The following LBP variants were observed in gnomAD, a reference collection of about 807,000 sequenced individuals.
LBP encodes lipopolysaccharide binding protein, also known as lipopolysaccharide-binding protein.
A neutral mutation model predicts 56.6 loss-of-function variants in LBP; 53 were observed. The ratio of observed to expected loss-of-function variants is 0.94; its 90% confidence interval spans 0.75 to 1.18. The LOEUF is 1.18. Ranked by LOEUF, LBP falls within the 50% of genes most tolerant of loss-of-function variation. The pLI, the probability that LBP is intolerant of heterozygous loss-of-function variation, is 0.00. For missense variants in LBP, 601 were observed against 598.3 expected (o/e 1.00, Z -0.05); for synonymous variants, 227 against 247.5 (o/e 0.92, Z 0.78).
chr20:38,355,255 T>C, intron 4 of LBP, 91 bp from the exon 5 acceptor site: 1 of 1,164,042 alleles, frequency 8.6e-7, no homozygotes, highest in Admixed American at 1.7e-5. Context: ...GGGCTCCCTT[T>C]GTGGACTGGC....
chr20:38,371,218 C>A (rs1759259910), intron 11 of LBP, 62 bp from the exon 12 acceptor site: 1 of 1,393,782 alleles, frequency 7.2e-7, no homozygotes. Context: ...CTTCTGGGGA[C>A]CCCCGCATTG....
Position 38,350,893 on chromosome 20 carries a change from T to C in LBP, c.322T>C (p.Ser108Pro), listed in dbSNP as rs1215940048. ...GGGCCTGAGTCTCAGCATCTCCGAC[T>C]CCTCCATCCGGGTCCAGGGCAGGTG... ...GQGLSLSISD[S>P]SIRVQGRWKV... Residue 108 changes from serine (S) to proline (P), a missense_variant, in exon 3 of 15, where the codon TCC (serine) becomes CCC (proline). Physicochemically the swap from Ser to Pro is moderately conservative, Grantham distance 74 (BLOSUM62 -1). Coordinates refer to ENST00000217407, the MANE Select transcript of LBP (RefSeq NM_004139.5). 2 of 1,613,942 alleles carry C rather than the reference T, an allele frequency of 1.2e-6. No individual in the cohort carries two copies. Among genetic ancestry groups the C allele is most frequent in the Non-Finnish European group, 1.7e-6 (2 of 1,179,958 alleles).
At chr20:38,369,301 T>C (rs2076893519) in intron 10 of LBP, 139 bp downstream of exon 10, 3 of 860,164 alleles carry the variant, frequency 3.5e-6, no homozygotes, top group Non-Finnish European at 3.5e-6. Flanking sequence ...GAGAGAGGGC[T>C]TTCTTGCTGG....
chr20:38,365,522 C>A (rs1434235448), intron 8 of LBP, among the ~76,000 whole-genome samples: 6 of 151,408 alleles, frequency 4.0e-5, no homozygotes, highest in Non-Finnish European at 2.9e-5. Flanking sequence ...CATGGCAAAA[C>A]CTCATCTCTA....
At chr20:38,370,603 G>T in intron 10 of LBP, 135 bp from the exon 11 acceptor site, 1 of 745,964 alleles carries the variant, frequency 1.3e-6, no homozygotes, top group Non-Finnish European at 2.4e-6. Flanking sequence ...GGGAGTCTAT[G>T]ATCTAGTGGG....
intron 6 of LBP, among the ~76,000 whole-genome samples, chr20:38,362,375 G>T (rs1228594069): frequency 6.8e-6 from 1 of 147,484 alleles, no homozygotes; most frequent in African/African-American, 2.5e-5. Flanking sequence ...CATTTAGGGA[G>T]GCCGAGGCGG....
chr20:38,352,896 C>T (rs908534608), intron 3 of LBP, among the ~76,000 whole-genome samples: 2 of 151,906 alleles, frequency 1.3e-5, no homozygotes, highest in African/African-American at 2.4e-5. Context: ...CTATGTATTA[C>T]TAAAATTAAT....
At position 38,373,524 on chromosome 20, in the gene LBP, AG is replaced by A. The variant is rs1056556055; in HGVS notation, c.1324+390del. Reference sequence around the variant, plus strand: ...GCCCAACTGCCTAGTCAAAAAAGAAAGCAAAAAACTTAAATCCTGTTTCCAT... The same window carrying A: ...GCCCAACTGCCTAGTCAAAAAAGAAACAAAAAACTTAAATCCTGTTTCCAT... On this transcript the variant is annotated intron_variant, in intron 13 of 14. Coordinates refer to ENST00000217407, the MANE Select transcript of LBP (RefSeq NM_004139.5). Among the ~76,000 whole-genome samples, 3 of 152,364 alleles carry A rather than the reference AG, an allele frequency of 2.0e-5. No homozygotes were observed. The South Asian group carries it at 6.2e-4, about 32-fold the overall frequency.
chr20:38,357,923 C>T (rs887288549), intron 5 of LBP, among the ~76,000 whole-genome samples: 12 of 152,204 alleles, frequency 7.9e-5, no homozygotes, highest in African/African-American at 2.9e-4. Context: ...TTATAATTAA[C>T]ATATAATGAG....
intron 5 of LBP, among the ~76,000 whole-genome samples, chr20:38,359,361 A>G (rs994539979): frequency 7.9e-5 from 12 of 152,162 alleles, no homozygotes; most frequent in African/African-American, 2.7e-4. Flanking sequence ...GGGGTGGACC[A>G]TTTGAGGTCA....
chr20:38,376,536 G>T lies in LBP; in HGVS notation c.1402-89G>T. 3.3e-6 allele frequency: 4 copies of T among 1,205,584 alleles called. No individual in the cohort carries two copies. In the Admixed American group the frequency reaches 5.1e-5, roughly 15 times the overall value. The allele number at this position is 1,205,584 out of a possible 1,614,324, so 74.7% of individuals were successfully genotyped here. Reference sequence around the variant, plus strand: ...TGGATTCTGGCAGAGCTTGTGTTTCGTGAGACGTGGGCTCCCTTTCAATCG... The same window carrying T: ...TGGATTCTGGCAGAGCTTGTGTTTCTTGAGACGTGGGCTCCCTTTCAATCG... On this transcript the variant is annotated intron_variant, in intron 14 of 14. Coordinates refer to ENST00000217407, the MANE Select transcript of LBP (RefSeq NM_004139.5).
At chr20:38,371,868 G>A (rs1348817150) in intron 12 of LBP, among the ~76,000 whole-genome samples, 1 of 152,096 alleles carries the variant, frequency 6.6e-6, no homozygotes, top group African/African-American at 2.4e-5. Context: ...ACTAATCTTA[G>A]GCACCCAGTC....
At chr20:38,354,217 T>G in intron 3 of LBP, 67 bp from the exon 4 acceptor site, 1 of 1,420,322 alleles carries the variant, frequency 7.0e-7, no homozygotes, top group Non-Finnish European at 9.7e-7. Context: ...GAGCCTTCTA[T>G]TTTCCCCACA....
rs1409408811 is a variant in LBP, at chr20:38,350,853, G to A, written c.282G>A (p.Arg94=). The part of the protein sequence containing the change: ...HSCELLHSAL[R]PVPGQGLSLS... ...GTGAGCTGCTTCACTCTGCGCTGAG[G>A]CCTGTCCCTGGCCAGGGCCTGAGTC... Residue 94 remains arginine, a synonymous_variant, in exon 3 of 15, where the codon AGG becomes AGA. Transcript: ENST00000217407. 1.9e-6 allele frequency: 3 copies of A among 1,613,886 alleles called. No homozygotes were observed. Among genetic ancestry groups the A allele is most frequent in the Middle Eastern group, 1.7e-4 (1 of 6,058 alleles).
chr20:38,347,901 A>G (rs771914378), intron 1 of LBP, among the ~76,000 whole-genome samples: 6 of 152,212 alleles, frequency 3.9e-5, no homozygotes, highest in African/African-American at 7.2e-5. Context: ...TACCTATTAA[A>G]TGAGATAACA....
At chr20:38,372,506 A>G (rs2076904060) in intron 12 of LBP, among the ~76,000 whole-genome samples, 1 of 152,250 alleles carries the variant, frequency 6.6e-6, no homozygotes, top group Non-Finnish European at 1.5e-5. Context: ...ATGTAAAAAC[A>G]AAAACTACAG....
At chr20:38,356,090 C>G (rs1600724118) in intron 5 of LBP, among the ~76,000 whole-genome samples, 1 of 137,942 alleles carries the variant, frequency 7.2e-6, no homozygotes, top group Admixed American at 7.2e-5. Context: ...CACCACACCC[C>G]ACACACACTC....
At chr20:38,367,080 C>T (rs780789627) in intron 9 of LBP, among the ~76,000 whole-genome samples, 2 of 152,158 alleles carry the variant, frequency 1.3e-5, no homozygotes, top group Non-Finnish European at 2.9e-5. Flanking sequence ...TGGCATAGTC[C>T]ATAAAATGTA....
chr20:38,367,935 T>C (rs1229844494), intron 9 of LBP, among the ~76,000 whole-genome samples: 1 of 151,952 alleles, frequency 6.6e-6, no homozygotes, highest in African/African-American at 2.4e-5. Flanking sequence ...CTCACACCTA[T>C]AATCCTAGCA....
Sources: allele counts gnomAD v4.1 joint callset (sites outside exome capture counted in the v4.1 genomes callset), GRCh38; gene constraint gnomAD v4.1.1; transcripts MANE v1.5; gene names NCBI Gene and HGNC (gene_info 2026-07-23, HGNC 2026-07-21).